The following ZNF805 variants were observed in gnomAD, a reference collection of about 807,000 sequenced individuals.
ZNF805 encodes zinc finger protein 805.
ZNF805 carries 7 observed loss-of-function variants against 13.6 expected under a neutral mutation model. That is an observed-to-expected ratio of 0.51 (90% CI 0.29 to 0.97). ZNF805 has a LOEUF of 0.97. Ranked by LOEUF, ZNF805 falls within the 50% of genes least tolerant of loss-of-function variation. The probability of loss-of-function intolerance (pLI) is 0.08; values close to 1 mark genes in which losing one functional copy is unlikely to be tolerated. For missense variants in ZNF805, 604 were observed against 771.0 expected (o/e 0.78, Z 2.57); for synonymous variants, 293 against 279.8 (o/e 1.05, Z -0.47).
intron 2 of ZNF805, among the ~76,000 whole-genome samples, chr19:57,244,828 TTTC>T (rs1394805183): frequency 6.6e-6 from 1 of 152,162 alleles, no homozygotes; most frequent in African/African-American, 2.4e-5. Context: ...CCCCTCCAGA[TTTC>T]TTGTCTGTTT....
At position 57,253,096 on chromosome 19, in the gene ZNF805, A is replaced by G. The variant is rs368988078; in HGVS notation, c.277A>G (p.Thr93Ala). Residue 93 changes from threonine to alanine, a missense_variant, in exon 4 of 4, where the codon ACA becomes GCA. This residue lies in a region of ZNF805 where 327 missense variants were observed against 378.2 expected (regional missense o/e 0.86). Transcript: ENST00000414468. This position sits in a 1 kb window ranked among gnomAD's most constrained non-coding sequence, Gnocchi z 4.4. ...AGGTGACAAAGGAAAACCCAAGAGCACAGAACCTACCACCTGTGAGCTAGC... is the reference window on the plus strand; with the variant it reads ...AGGTGACAAAGGAAAACCCAAGAGCGCAGAACCTACCACCTGTGAGCTAGC... ...CPGDKGKPKS[T>A]EPTTCELALS... The G allele has an allele frequency of 2.8e-5, 42 of 1,478,720 alleles. 1 individual carries two copies. In the African/African-American group the frequency reaches 5.8e-4, roughly 20 times the overall value. 91.6% of individuals were successfully genotyped at this position (1,478,720 alleles called of 1,614,324 possible). A position where few individuals can be genotyped will look rare whatever the true frequency, so the allele number is the denominator to read the frequency against.
At chr19:57,248,306 C>G (rs2087631325) in intron 2 of ZNF805, among the ~76,000 whole-genome samples, 1 of 151,330 alleles carries the variant, frequency 6.6e-6, no homozygotes, top group African/African-American at 2.4e-5. Context: ...CACTTTTTCT[C>G]TAAGATATTC....
rs948063192 is a variant in ZNF805 at position 57,259,583 on chromosome 19, T to G, written c.*4880T>G. On this transcript the variant is annotated 3_prime_UTR_variant, in exon 4 of 4. Coordinates refer to ENST00000414468, the MANE Select transcript of ZNF805 (RefSeq NM_001023563.4). ...GTGCAGTGGCGCGATCTCTGCTCAC[T>G]GCAAGCTCTGCCTCCCGGGTTCATG... Among the ~76,000 whole-genome samples, 1 of 152,216 alleles carries G rather than the reference T, an allele frequency of 6.6e-6. No individual in the cohort carries two copies. The highest frequency in any genetic ancestry group is 2.4e-5 in the African/African-American group (1 of 41,468).
In ZNF805 at chr19:57,256,797, CTGA is replaced by C. The variant is rs2087689935; in HGVS notation, c.*2096_*2098del. The stretch of plus-strand genomic sequence containing the variant: ...TCTCCAGTCTCTGTTCTTAATTTCA[CTGA>C]TATCTGCTCTGATGTGTATTGTATC... On this transcript the variant is annotated 3_prime_UTR_variant, in exon 4 of 4. Transcript: ENST00000414468. 6.6e-6 allele frequency among the ~76,000 whole-genome samples: 1 copy of C among 152,090 alleles called. No homozygotes were observed. The highest frequency in any genetic ancestry group is 1.5e-5 in the Non-Finnish European group (1 of 67,988).
intron 1 of ZNF805, among the ~76,000 whole-genome samples, chr19:57,242,106 T>C (rs1568487043): frequency 6.6e-6 from 1 of 152,246 alleles, no homozygotes. Context: ...AGTGACATTC[T>C]ATTATAAACA....
chr19:57,243,679 G>A (rs1038941155), intron 1 of ZNF805, among the ~76,000 whole-genome samples: 2 of 152,192 alleles, frequency 1.3e-5, no homozygotes, highest in African/African-American at 4.8e-5. Flanking sequence ...TCTACATCTC[G>A]CCATCCACGA....
intron 2 of ZNF805, among the ~76,000 whole-genome samples, chr19:57,244,707 T>C (rs577410022): frequency 2.0e-4 from 31 of 152,260 alleles, no homozygotes; most frequent in African/African-American, 7.2e-4. Flanking sequence ...GGTCCTGGTT[T>C]CTCTGTCTGG....
At position 57,253,470 on chromosome 19, in the gene ZNF805, G is replaced by A. The variant is rs1420030218; in HGVS notation, c.651G>A (p.Leu217=). ...AAAAAGTGTTTAACAAGAAACGCCT[G>A]CTTGCTCGGCATGAGAGGATTCACT... The part of the protein sequence containing the change: ...ECEKVFNKKR[L]LARHERIHSG... Residue 217 remains leucine (L), a synonymous_variant, in exon 4 of 4, where the codon CTG becomes CTA. Transcript: ENST00000414468. The surrounding 1 kb of genome is among the most constrained non-coding windows in gnomAD (Gnocchi z 4.4). 6.3e-7 allele frequency: 1 copy of A among 1,596,670 alleles called. No individual in the cohort carries two copies. The highest frequency in any genetic ancestry group is 1.3e-5 in the African/African-American group (1 of 74,526).
Position 57,253,898 on chromosome 19 carries a change from G to A in ZNF805, c.1079G>A (p.Trp360Ter). The A allele has an allele frequency of 6.2e-7, 1 of 1,613,930 alleles. No individual in the cohort carries two copies. Among genetic ancestry groups the A allele is most frequent in the Admixed American group, 1.7e-5 (1 of 60,010 alleles). The change falls in exon 4 of 4, where the codon TGG becomes TAG. Residue 360 changes from tryptophan to a stop codon, truncating the protein, a stop_gained. Transcript: ENST00000414468. LOFTEE classifies it low-confidence loss of function (END_TRUNC). The surrounding 1 kb of genome is among the most constrained non-coding windows in gnomAD (Gnocchi z 4.4). ...KVFKHRSYLM[W>*]HQQTHTGEKP... Reference sequence around the variant, plus strand: ...TTCAAACACAGATCATACCTCATGTGGCACCAGCAGACTCATACCGGGGAG... The same window carrying A: ...TTCAAACACAGATCATACCTCATGTAGCACCAGCAGACTCATACCGGGGAG...
rs758464002 is a variant in ZNF805 at position 57,253,928 on chromosome 19, C to T, written c.1109C>T (p.Pro370Leu). The change falls in exon 4 of 4, where the codon CCC becomes CTC. Residue 370 changes from proline (P) to leucine (L), a missense_variant. This residue lies in a region of ZNF805 where 228 missense variants were observed against 352.8 expected (regional missense o/e 0.65). Coordinates refer to ENST00000414468, the MANE Select transcript of ZNF805 (RefSeq NM_001023563.4). This position sits in a 1 kb window ranked among gnomAD's most constrained non-coding sequence, Gnocchi z 4.4. ...WHQQTHTGEK[P>L]YECSECGKAF... Reference sequence around the variant, plus strand: ...CAGCAGACTCATACCGGGGAGAAGCCCTATGAGTGCAGTGAATGTGGGAAG... The same window carrying T: ...CAGCAGACTCATACCGGGGAGAAGCTCTATGAGTGCAGTGAATGTGGGAAG... 1.2e-6 allele frequency: 2 copies of T among 1,614,160 alleles called. No individual in the cohort carries two copies. The highest frequency in any genetic ancestry group is 1.1e-5 in the South Asian group (1 of 91,074).
At chr19:57,250,626 G>C (rs2087646116) in intron 3 of ZNF805, among the ~76,000 whole-genome samples, 1 of 152,178 alleles carries the variant, frequency 6.6e-6, no homozygotes, top group Admixed American at 6.5e-5. Context: ...TTGTGCCTCT[G>C]GTCAGCTCTT....
At chr19:57,246,634 G>A (rs1472498296) in intron 2 of ZNF805, among the ~76,000 whole-genome samples, 1 of 152,038 alleles carries the variant, frequency 6.6e-6, no homozygotes, top group Non-Finnish European at 1.5e-5. Flanking sequence ...AAATTAGCTG[G>A]GTGTGGTAGC....
intron 3 of ZNF805, among the ~76,000 whole-genome samples, chr19:57,250,606 T>G (rs1428137210): frequency 2.0e-5 from 3 of 152,202 alleles, no homozygotes; most frequent in Non-Finnish European, 4.4e-5. Flanking sequence ...ACTTAATCTC[T>G]GTATCTGCTT....
chr19:57,244,848 CCTCTGTGGGGCG>C (rs2087602729), intron 2 of ZNF805, among the ~76,000 whole-genome samples: 2 of 152,184 alleles, frequency 1.3e-5, no homozygotes, highest in East Asian at 3.9e-4. Context: ...GTTTCTCTGG[CCTCTGTGGGGCG>C]TGTTTGAGGC....
Position 57,262,350 on chromosome 19 carries a change from G to GAA in ZNF805, c.*7659_*7660dup, listed in dbSNP as rs55937732. The GAA allele has an allele frequency of 0.44, 67,851 of 154,718 alleles. 15,093 individuals carry two copies. Among genetic ancestry groups the GAA allele is most frequent in the Non-Finnish European group, 0.53 (34,990 of 65,600 alleles). 9.6% of individuals were successfully genotyped at this position (154,718 alleles called of 1,614,324 possible). On this transcript the variant is annotated 3_prime_UTR_variant, in exon 4 of 4. Transcript: ENST00000414468. ...TATACGTGTAAACCATTGTAACCAA[G>GAA]AAAAAAAAAAAAAGTCAGAGTCACA... is the stretch of plus-strand genomic sequence containing the variant.
chr19:57,245,764 G>T (rs573485552), intron 2 of ZNF805, among the ~76,000 whole-genome samples: 1 of 151,242 alleles, frequency 6.6e-6, no homozygotes, highest in Non-Finnish European at 1.5e-5. Context: ...GGGCGACAGA[G>T]CGAGACTCCA....
Position 57,259,728 on chromosome 19 carries a change from G to T in ZNF805, c.*5025G>T, listed in dbSNP as rs1448882949. ...TCACTGTGTTAGCCAGGATGGTCTCGATTTCCTGATCTGGTGATCCACCTG... is the reference window on the plus strand; with the variant it reads ...TCACTGTGTTAGCCAGGATGGTCTCTATTTCCTGATCTGGTGATCCACCTG... On this transcript the variant is annotated 3_prime_UTR_variant, in exon 4 of 4. Transcript: ENST00000414468. Among the ~76,000 whole-genome samples, 1 of 152,128 alleles carries T rather than the reference G, an allele frequency of 6.6e-6. No homozygotes were observed. Among genetic ancestry groups the T allele is most frequent in the African/African-American group, 2.4e-5 (1 of 41,430 alleles).
intron 1 of ZNF805, among the ~76,000 whole-genome samples, chr19:57,243,173 G>A (rs1430842675): frequency 2.0e-5 from 3 of 152,184 alleles, no homozygotes; most frequent in Non-Finnish European, 2.9e-5. Context: ...CTCTGAGCAT[G>A]CCATTACACT....
chr19:57,250,461 A>G (rs1568489169), intron 3 of ZNF805, among the ~76,000 whole-genome samples: 1 of 152,088 alleles, frequency 6.6e-6, no homozygotes. Flanking sequence ...CGAACTCCCG[A>G]CCTCAGGTGA....
Sources: allele counts gnomAD v4.1 joint callset (sites outside exome capture counted in the v4.1 genomes callset), GRCh38; gene constraint gnomAD v4.1.1; regional missense constraint gnomAD v4.1.1; non-coding constraint Gnocchi (gnomAD v3.1); transcripts MANE v1.5; gene names NCBI Gene and HGNC (gene_info 2026-07-23, HGNC 2026-07-21).